Variants in ERBB4 observed in about 807,000 individuals in gnomAD.
ERBB4 encodes erb-b2 receptor tyrosine kinase 4.
ERBB4 carries 42 observed loss-of-function variants against 158.0 expected under a neutral mutation model. The ratio of observed to expected loss-of-function variants is 0.27; its 90% CI spans 0.21 to 0.34. The LOEUF is 0.34. Among genes scored for constraint, ERBB4 ranks in the 10% least tolerant of loss-of-function variants. ERBB4 has a pLI of 1.00. For missense variants in ERBB4, 1,333 were observed against 1,624.1 expected (o/e 0.82, Z 3.08); for synonymous variants, 583 against 558.7 (o/e 1.04, Z -0.61).
At chr2:211,649,870 A>T (rs2070919732) in intron 16 of ERBB4, among the ~76,000 whole-genome samples, 2 of 151,988 alleles carry the variant, frequency 1.3e-5, no homozygotes, top group African/African-American at 4.8e-5. Flanking sequence ...AGGGTAGATG[A>T]TGGCAGAGAA....
chr2:211,438,479 TTA>T (rs1309358325), intron 20 of ERBB4, among the ~76,000 whole-genome samples: 2 of 152,182 alleles, frequency 1.3e-5, no homozygotes, highest in Non-Finnish European at 2.9e-5. Flanking sequence ...TCTTTATTTG[TTA>T]AATGGGGGTA....
At chr2:211,815,558 T>G (rs1261651266) in intron 3 of ERBB4, among the ~76,000 whole-genome samples, 3 of 152,150 alleles carry the variant, frequency 2.0e-5, no homozygotes, top group Non-Finnish European at 2.9e-5. Flanking sequence ...ATATTCCACT[T>G]TTAAGTCTAC....
At chr2:212,435,569 G>C (rs2092119674) in intron 1 of ERBB4, among the ~76,000 whole-genome samples, 1 of 151,804 alleles carries the variant, frequency 6.6e-6, no homozygotes, top group South Asian at 2.1e-4. Flanking sequence ...GAGGAACATG[G>C]AATAAATGGC....
intron 25 of ERBB4, among the ~76,000 whole-genome samples, chr2:211,413,160 G>A (rs1176227912): frequency 4.0e-5 from 6 of 150,740 alleles, no homozygotes; most frequent in African/African-American, 1.2e-4. Context: ...TAAATTACCC[G>A]GGCATGGCAG....
At chr2:211,688,996 A>T (rs544715635) in intron 12 of ERBB4, among the ~76,000 whole-genome samples, 31 of 152,006 alleles carry the variant, frequency 2.0e-4, no homozygotes, top group African/African-American at 7.3e-4. Flanking sequence ...ATATATTATG[A>T]CATTTTATCT....
At chr2:211,665,674 A>G (rs1043973493) in intron 14 of ERBB4, among the ~76,000 whole-genome samples, 197 bp from the exon 15 acceptor site, 1 of 152,200 alleles carries the variant, frequency 6.6e-6, no homozygotes, top group African/African-American at 2.4e-5. Flanking sequence ...CATCAAGTTC[A>G]GTTTTGATAT....
intron 1 of ERBB4, 61 bp from the exon 2 acceptor site, chr2:212,124,964 A>G (rs1190964858): frequency 2.6e-6 from 4 of 1,567,664 alleles, no homozygotes; most frequent in Non-Finnish European, 3.5e-6. Context: ...GCGCAATGAT[A>G]ATATCTTTCT....
At chr2:211,826,257 C>T (rs2077097307) in intron 3 of ERBB4, among the ~76,000 whole-genome samples, 2 of 151,330 alleles carry the variant, frequency 1.3e-5, no homozygotes, top group South Asian at 4.2e-4. Context: ...TAAAAAAATC[C>T]AGCACATATT....
At chr2:211,771,426 G>A (rs2075689327) in intron 4 of ERBB4, among the ~76,000 whole-genome samples, 1 of 152,202 alleles carries the variant, frequency 6.6e-6, no homozygotes, top group Non-Finnish European at 1.5e-5. Flanking sequence ...GTAAGCTTGT[G>A]GGGTACAGAG....
At chr2:211,986,761 T>A (rs768439698) in intron 2 of ERBB4, among the ~76,000 whole-genome samples, 12 of 152,176 alleles carry the variant, frequency 7.9e-5, no homozygotes, top group Non-Finnish European at 1.6e-4. Flanking sequence ...GTGCATGGCA[T>A]ACGGTGAAGG....
chr2:211,400,941 T>TTTAAAAATA (rs2063028802), intron 25 of ERBB4, among the ~76,000 whole-genome samples: 1 of 152,034 alleles, frequency 6.6e-6, no homozygotes, highest in Non-Finnish European at 1.5e-5. Flanking sequence ...ATTTAAAAAT[T>TTTAAAAATA]TTTAAAAAGT....
chr2:211,492,533 C>T lies in ERBB4; in HGVS notation c.2488-61433G>A, dbSNP rs576999844. Among the ~76,000 whole-genome samples the T allele has an allele frequency of 5.3e-5, 8 of 151,794 alleles. 1 individual carries two copies. Among genetic ancestry groups the T allele is most frequent in the Non-Finnish European group, 7.4e-5 (5 of 67,926 alleles). ...TTGCATAAATACTCTCATTTAATGC[C>T]GATGAAAAACCTGTGAGGTAGAGTC... On this transcript the variant is annotated intron_variant, in intron 20 of 27. Transcript: ENST00000342788.
intron 3 of ERBB4, among the ~76,000 whole-genome samples, chr2:211,923,245 C>G (rs143850358): frequency 1.8e-3 from 273 of 152,082 alleles, no homozygotes; most frequent in African/African-American, 6.4e-3. Context: ...TGTAGAATTA[C>G]GAGAAGGCAG....
intron 1 of ERBB4, among the ~76,000 whole-genome samples, chr2:212,528,114 A>C (rs1372096847): frequency 6.6e-6 from 1 of 151,858 alleles, no homozygotes; most frequent in Non-Finnish European, 1.5e-5. Context: ...CTAAAGTAGA[A>C]CTCCTTAACT....
chr2:212,230,178 G>A (rs748547956), intron 1 of ERBB4, among the ~76,000 whole-genome samples: 1 of 152,002 alleles, frequency 6.6e-6, no homozygotes, highest in Admixed American at 6.5e-5. Flanking sequence ...CCAGCTACTC[G>A]GGAGGCTGAG....
At chr2:211,768,778 C>T (rs2075620201) in intron 4 of ERBB4, among the ~76,000 whole-genome samples, 2 of 143,130 alleles carry the variant, frequency 1.4e-5, no homozygotes, top group Admixed American at 1.4e-4. Context: ...GGCCTTTTGG[C>T]TTGTGATGCG....
intron 3 of ERBB4, among the ~76,000 whole-genome samples, chr2:211,858,787 TATTC>T (rs1443746095): frequency 6.6e-6 from 1 of 152,096 alleles, no homozygotes; most frequent in Non-Finnish European, 1.5e-5. Context: ...TTTAATTATT[TATTC>T]ATTTTTTTTG....
rs189227704 is a variant in ERBB4, at chr2:211,736,471, C to A, written c.623-11277G>T. On this transcript the variant is annotated intron_variant, in intron 5 of 27. Coordinates refer to ENST00000342788, the MANE Select transcript of ERBB4 (RefSeq NM_005235.3). ...TTTATAATCTACTAACAAGTTGCAACCAGCAATCTGAAAGCATTGTCTTAT... is the reference window on the plus strand; with the variant it reads ...TTTATAATCTACTAACAAGTTGCAAACAGCAATCTGAAAGCATTGTCTTAT... Among the ~76,000 whole-genome samples, 388 of 152,214 alleles carry A rather than the reference C, an allele frequency of 2.5e-3. 1 individual carries two copies. Among genetic ancestry groups the A allele is most frequent in the Non-Finnish European group, 3.5e-3 (235 of 68,008 alleles).
intron 1 of ERBB4, among the ~76,000 whole-genome samples, chr2:212,279,247 T>C (rs1200072107): frequency 6.6e-6 from 1 of 151,170 alleles, no homozygotes. Context: ...AAAAGGTGCA[T>C]AAAATATCAG....
Sources: gnomAD v4.1 joint callset for allele counts (sites outside exome capture counted in the v4.1 genomes callset) on GRCh38, gnomAD v4.1.1 for gene constraint, MANE v1.5 for transcripts, NCBI Gene and HGNC (gene_info 2026-07-23, HGNC 2026-07-21) for gene names.